Variants in CYSTM1 observed in about 807,000 individuals in gnomAD.
CYSTM1 encodes the protein cysteine-rich transmembrane module-containing protein 1.
CYSTM1 carries 4 observed loss-of-function variants against 13.1 expected under a neutral mutation model. The ratio of observed to expected loss-of-function variants is 0.31; its 90% CI spans 0.15 to 0.70. CYSTM1 has a LOEUF of 0.70. Among genes scored for constraint, CYSTM1 ranks in the 30% least tolerant of loss-of-function variants. CYSTM1 has a pLI of 0.72. For missense variants in CYSTM1, 96 were observed against 121.6 expected, an observed-to-expected ratio of 0.79 and a Z score of 0.99; for synonymous variants, 36 against 42.7, an observed-to-expected ratio of 0.84 and a Z score of 0.62.
intron 2 of CYSTM1, among the ~76,000 whole-genome samples, chr5:140,225,398 G>T (rs909275603): frequency 5.9e-5 from 9 of 152,202 alleles, no homozygotes; most frequent in Non-Finnish European, 1.3e-4. Flanking sequence ...TGGGGAAGGG[G>T]TTGTTACCAG....
chr5:140,216,191 T>TA (rs1373696098), intron 2 of CYSTM1, among the ~76,000 whole-genome samples: 1 of 152,194 alleles, frequency 6.6e-6, no homozygotes, highest in Admixed American at 6.5e-5. Flanking sequence ...TCCTCAGCTG[T>TA]ATCTCAGTCT....
intron 2 of CYSTM1, chr5:140,229,039 A>C (rs1764591509): frequency 2.7e-6 from 1 of 376,510 alleles, no homozygotes; most frequent in Non-Finnish European, 4.7e-6. Context: ...TAAACATATA[A>C]GTTTTGGGCA....
At chr5:140,177,908 C>T (rs1269239048) in intron 1 of CYSTM1, among the ~76,000 whole-genome samples, 2 of 152,196 alleles carry the variant, frequency 1.3e-5, no homozygotes, top group Non-Finnish European at 2.9e-5. Flanking sequence ...AGTCCACCCC[C>T]TCCTTTCCCA....
chr5:140,178,029 C>T (rs1354662450), intron 1 of CYSTM1, among the ~76,000 whole-genome samples: 1 of 152,150 alleles, frequency 6.6e-6, no homozygotes, highest in East Asian at 1.9e-4. Context: ...TGGTAGAGAA[C>T]TTAAGACTTT....
In CYSTM1 at chr5:140,227,523, T is replaced by C. The variant is rs1269924374; in HGVS notation, c.188-15782T>C. 5.9e-5 allele frequency among the ~76,000 whole-genome samples: 9 copies of C among 152,122 alleles called. No individual in the cohort carries two copies. The East Asian group carries it at 1.7e-3, about 29-fold the overall frequency. ...AGAATTGGATTTAAGGCATATTTGA[T>C]AGGTGGAACTATGGGTTAGGAGGTG... On this transcript the variant is annotated intron_variant, in intron 2 of 2. Transcript: ENST00000261811.
At chr5:140,190,758 G>T (rs1764085780) in intron 1 of CYSTM1, among the ~76,000 whole-genome samples, 1 of 152,160 alleles carries the variant, frequency 6.6e-6, no homozygotes, top group South Asian at 2.1e-4. Context: ...GAGATCGTGG[G>T]ATAGCAGTGT....
intron 2 of CYSTM1, among the ~76,000 whole-genome samples, chr5:140,236,501 G>A (rs532821684): frequency 4.1e-4 from 62 of 152,200 alleles, no homozygotes; most frequent in Non-Finnish European, 8.5e-4. Context: ...CATTTGAAAT[G>A]TACTATATGA....
chr5:140,206,607 G>GTTGTTTGTTTGTTTGT (rs3083575), intron 2 of CYSTM1, among the ~76,000 whole-genome samples: 3 of 149,288 alleles, frequency 2.0e-5, no homozygotes, highest in African/African-American at 7.4e-5. Flanking sequence ...GCTGAGCACT[G>GTTGTTTGTTTGTTTGT]TTGTTTGTTT....
chr5:140,178,895 C>G (rs1008803510), intron 1 of CYSTM1, among the ~76,000 whole-genome samples: 1 of 151,998 alleles, frequency 6.6e-6, no homozygotes, highest in Non-Finnish European at 1.5e-5. Context: ...AGCTACCATG[C>G]CTGGACTTTT....
chr5:140,225,275 C>T (rs186269952), intron 2 of CYSTM1, among the ~76,000 whole-genome samples: 23 of 152,358 alleles, frequency 1.5e-4, no homozygotes, highest in African/African-American at 5.3e-4. Flanking sequence ...ATCAGTGGAA[C>T]GCTAGGACTG....
At chr5:140,181,785 T>C (rs1313762057) in intron 1 of CYSTM1, among the ~76,000 whole-genome samples, 1 of 152,224 alleles carries the variant, frequency 6.6e-6, no homozygotes, top group Admixed American at 6.5e-5. Context: ...CACTGCAAGA[T>C]AGCAGGACCC....
chr5:140,223,599 G>T (rs1407225520), intron 2 of CYSTM1, among the ~76,000 whole-genome samples: 1 of 152,246 alleles, frequency 6.6e-6, no homozygotes, highest in Non-Finnish European at 1.5e-5. Context: ...GATGCTGGAG[G>T]ACAAAGGCGG....
At chr5:140,223,825 CA>C in intron 2 of CYSTM1, among the ~76,000 whole-genome samples, 1 of 152,288 alleles carries the variant, frequency 6.6e-6, no homozygotes, top group South Asian at 2.1e-4. Flanking sequence ...ATTCCTCTGG[CA>C]GGGAGAGAAG....
Position 140,219,288 on chromosome 5 carries a change from C to T in CYSTM1, c.188-24017C>T, listed in dbSNP as rs73254774. Among the ~76,000 whole-genome samples the T allele has an allele frequency of 9.6e-3, 1,466 of 151,974 alleles. 17 individuals are homozygous for T. Among genetic ancestry groups the T allele is most frequent in the African/African-American group, 0.031 (1,269 of 41,264 alleles). ...CAGCTTGTGTTACAAAACAGTGTTA[C>T]GAAACAGCAGGAATTGCGGTGGATA... On this transcript the variant is annotated intron_variant, in intron 2 of 2. Transcript: ENST00000261811. This position sits in a 1 kb window ranked among gnomAD's most constrained non-coding sequence, Gnocchi z 4.1.
chr5:140,238,733 C>A (rs1764713342), intron 2 of CYSTM1, among the ~76,000 whole-genome samples: 1 of 152,196 alleles, frequency 6.6e-6, no homozygotes, highest in South Asian at 2.1e-4. Flanking sequence ...AAGATTTTCC[C>A]TTCCCTTCCT....
intron 2 of CYSTM1, among the ~76,000 whole-genome samples, chr5:140,232,963 A>C (rs1764634388): frequency 5.3e-5 from 8 of 152,120 alleles, no homozygotes; most frequent in Admixed American, 4.6e-4. Flanking sequence ...AGATAACCAA[A>C]CAGATGACCA....
chr5:140,224,549 C>A (rs1764527194), intron 2 of CYSTM1, among the ~76,000 whole-genome samples: 2 of 152,034 alleles, frequency 1.3e-5, no homozygotes, highest in African/African-American at 4.8e-5. Flanking sequence ...GAGACAGGGT[C>A]TTTCTCTGTC....
chr5:140,178,716 T>C (rs1454452210), intron 1 of CYSTM1, among the ~76,000 whole-genome samples: 1 of 152,020 alleles, frequency 6.6e-6, no homozygotes, highest in African/African-American at 2.4e-5. Flanking sequence ...TCCTCCCGAC[T>C]CAGTCTCCTG....
At chr5:140,177,027 C>G (rs1162209563) in intron 1 of CYSTM1, among the ~76,000 whole-genome samples, 1 of 144,948 alleles carries the variant, frequency 6.9e-6, no homozygotes, top group Non-Finnish European at 1.5e-5. Flanking sequence ...CGAGGCTGCG[C>G]CACTGCACTC....
Sources: allele counts gnomAD v4.1 joint callset (sites outside exome capture counted in the v4.1 genomes callset), GRCh38; gene constraint gnomAD v4.1.1; non-coding constraint Gnocchi (gnomAD v3.1); transcripts MANE v1.5; gene names NCBI Gene and HGNC (gene_info 2026-07-23, HGNC 2026-07-21).